The following TFDP2 variants were observed in gnomAD, a reference collection of about 807,000 sequenced individuals.
TFDP2 encodes the protein transcription factor Dp-2, also known as transcription factor Dp-2 (E2F dimerization partner 2).
Under a neutral mutation model 59.3 loss-of-function variants are expected in TFDP2, and 17 were observed. The observed-to-expected ratio is 0.29, with a 90% CI of 0.20 to 0.43. The LOEUF (loss-of-function observed/expected upper bound fraction) is 0.43, where lower values mean the gene tolerates loss of function less well. Ranked by LOEUF, TFDP2 falls within the 20% of genes least tolerant of loss-of-function variation. The pLI, the probability that TFDP2 is intolerant of heterozygous loss-of-function variation, is 1.00. For missense variants in TFDP2, 391 were observed against 528.8 expected, an observed-to-expected ratio of 0.74 and a Z score of 2.56; for synonymous variants, 180 against 194.7, an observed-to-expected ratio of 0.92 and a Z score of 0.63.
At chr3:142,072,735 A>T (rs1247939078) in intron 3 of TFDP2, among the ~76,000 whole-genome samples, 1 of 152,202 alleles carries the variant, frequency 6.6e-6, no homozygotes, top group Non-Finnish European at 1.5e-5. Context: ...AAGAAAATAA[A>T]AGTAGTATTG....
intron 3 of TFDP2, among the ~76,000 whole-genome samples, chr3:142,006,792 T>C (rs1944251701): frequency 6.6e-6 from 1 of 151,940 alleles, no homozygotes; most frequent in African/African-American, 2.4e-5. Context: ...TCTTTTTCTT[T>C]TTTTTTGAGA....
intron 1 of TFDP2, among the ~76,000 whole-genome samples, chr3:142,123,883 A>G (rs1037102478): frequency 6.6e-6 from 1 of 152,204 alleles, no homozygotes; most frequent in Non-Finnish European, 1.5e-5. Context: ...TTTACATATG[A>G]TTACAACTGT....
chr3:141,955,339 G>C (rs553659978), intron 11 of TFDP2, among the ~76,000 whole-genome samples: 110 of 152,330 alleles, frequency 7.2e-4, no homozygotes, highest in African/African-American at 2.5e-3. Context: ...AGGTCACGAA[G>C]AGATCAAAAC....
At chr3:141,974,952 C>T (rs1228541432) in intron 7 of TFDP2, among the ~76,000 whole-genome samples, 4 of 133,314 alleles carry the variant, frequency 3.0e-5, no homozygotes, top group South Asian at 2.4e-4. Context: ...CTCGCTCTCT[C>T]GCCCACACTG....
chr3:142,130,682 G>A (rs2062467765), intron 1 of TFDP2, among the ~76,000 whole-genome samples: 1 of 152,038 alleles, frequency 6.6e-6, no homozygotes, highest in Admixed American at 6.5e-5. Flanking sequence ...CAAGATGCAA[G>A]TTCTGAAGAT....
In TFDP2 at chr3:141,961,242, T is replaced by G. The variant is rs1011469355; in HGVS notation, c.885-1402A>C. Among the ~76,000 whole-genome samples, 10 of 141,432 alleles carry G rather than the reference T, an allele frequency of 7.1e-5. No individual in the cohort carries two copies. The South Asian group carries it at 9.5e-4, about 13-fold the overall frequency. 92.8% of individuals were successfully genotyped at this position (141,432 alleles called of 152,430 possible). The stretch of plus-strand genomic sequence containing the variant: ...AGAATTCTCAGTTTTTTGTTGTTTT[T>G]TTTTTTTTTTTTTTTTTTTGAGACA... On this transcript the variant is annotated intron_variant, in intron 10 of 12. Coordinates refer to ENST00000489671, the MANE Select transcript of TFDP2 (RefSeq NM_001178139.2).
chr3:141,982,731 A>G (rs1253453177), intron 6 of TFDP2, among the ~76,000 whole-genome samples: 1 of 152,236 alleles, frequency 6.6e-6, no homozygotes. Context: ...AGTAGGAACA[A>G]CTACAATTTT....
At chr3:141,968,455 C>CAT (rs1296048272) in intron 9 of TFDP2, among the ~76,000 whole-genome samples, 1 of 85,006 alleles carries the variant, frequency 1.2e-5, no homozygotes, top group African/African-American at 5.3e-5. Context: ...ATATATATCT[C>CAT]ATATATAGAT....
intron 3 of TFDP2, among the ~76,000 whole-genome samples, chr3:142,089,958 T>C (rs2108610533): frequency 6.6e-6 from 1 of 152,250 alleles, no homozygotes; most frequent in Middle Eastern, 3.4e-3. Context: ...TTCTATAATA[T>C]CATTGCTACA....
chr3:141,971,513 G>C (rs115268312), intron 8 of TFDP2, among the ~76,000 whole-genome samples: 2,608 of 151,446 alleles, frequency 0.017, 47 homozygotes, highest in Non-Finnish European at 0.024. Context: ...TTGCGCCACT[G>C]AACTCCAGCC....
At chr3:142,063,950 T>G (rs1187606574) in intron 3 of TFDP2, among the ~76,000 whole-genome samples, 3 of 152,002 alleles carry the variant, frequency 2.0e-5, no homozygotes, top group Non-Finnish European at 4.4e-5. Context: ...AGTTTTTTGG[T>G]TTTTAGTTTT....
At chr3:142,059,612 C>G (rs1273536334) in intron 3 of TFDP2, among the ~76,000 whole-genome samples, 1 of 151,520 alleles carries the variant, frequency 6.6e-6, no homozygotes, top group East Asian at 1.9e-4. Context: ...CAGAGTCTTG[C>G]TCTGTCACCC....
At chr3:141,956,673 G>T (rs1024262847) in intron 11 of TFDP2, among the ~76,000 whole-genome samples, 1 of 151,870 alleles carries the variant, frequency 6.6e-6, no homozygotes, top group Non-Finnish European at 1.5e-5. Context: ...ATCACAGTGG[G>T]AGCCAAGGCA....
At chr3:142,139,349 G>A (rs1232292554) in intron 1 of TFDP2, among the ~76,000 whole-genome samples, 1 of 152,100 alleles carries the variant, frequency 6.6e-6, no homozygotes, top group Non-Finnish European at 1.5e-5. Context: ...TTAATTGGGG[G>A]CATTTAGCCC....
chr3:142,059,939 C>T (rs1445556979), intron 3 of TFDP2, among the ~76,000 whole-genome samples: 1 of 152,078 alleles, frequency 6.6e-6, no homozygotes, highest in African/African-American at 2.4e-5. Flanking sequence ...CCTCTTAAAA[C>T]ACGTTTTTTC....
rs1378536630 is a variant in TFDP2 at position 141,983,024 on chromosome 3, C to T, written c.357-4342G>A. ...GGTACACTACAAGTGATCTTATCCC[C>T]TTCATGAGCTGCTAGAATTTTCATA... On this transcript the variant is annotated intron_variant, in intron 6 of 12. Transcript: ENST00000489671. 7.2e-5 allele frequency among the ~76,000 whole-genome samples: 11 copies of T among 152,152 alleles called. 1 individual carries two copies. Among genetic ancestry groups the T allele is most frequent in the Admixed American group, 7.2e-4 (11 of 15,266 alleles).
At chr3:142,068,299 C>T (rs2060136902) in intron 3 of TFDP2, among the ~76,000 whole-genome samples, 1 of 151,978 alleles carries the variant, frequency 6.6e-6, no homozygotes. Context: ...AGACTTAAAA[C>T]ATAAAATACA....
At chr3:141,976,410 GAAAA>G (rs945488075) in intron 7 of TFDP2, among the ~76,000 whole-genome samples, 2 of 152,088 alleles carry the variant, frequency 1.3e-5, no homozygotes, top group African/African-American at 4.8e-5. Context: ...TGAATAAAGA[GAAAA>G]AAACTCAACC....
intron 3 of TFDP2, among the ~76,000 whole-genome samples, chr3:142,068,844 C>T (rs1188417015): frequency 6.6e-6 from 1 of 152,112 alleles, no homozygotes; most frequent in African/African-American, 2.4e-5. Flanking sequence ...TCAGTGTGAG[C>T]CACCACGCCA....
Sources: gnomAD v4.1 joint callset for allele counts (sites outside exome capture counted in the v4.1 genomes callset) on GRCh38, gnomAD v4.1.1 for gene constraint, MANE v1.5 for transcripts, NCBI Gene and HGNC (gene_info 2026-07-23, HGNC 2026-07-21) for gene names.